Variants in FRA10AC1 observed in about 807,000 individuals in gnomAD.
FRA10AC1 encodes the protein FRA10A associated CGG repeat 1, also known as protein FRA10AC1.
Under a neutral mutation model 56.5 loss-of-function variants are expected in FRA10AC1, and 43 were observed. That is an observed-to-expected ratio of 0.76 (90% confidence interval 0.60 to 0.98). The LOEUF (loss-of-function observed/expected upper bound fraction) is 0.98. Ranked by LOEUF, FRA10AC1 falls within the 50% of genes least tolerant of loss-of-function variation. FRA10AC1 has a pLI of 0.00. For synonymous variants in FRA10AC1, 112 were observed against 110.5 expected (o/e 1.01, Z -0.09); for missense variants, 346 against 351.8 (o/e 0.98, Z 0.13).
chr10:93,684,257 G>A (rs1439999297), intron 9 of FRA10AC1, among the ~76,000 whole-genome samples, 159 bp from the exon 10 acceptor site: 1 of 152,030 alleles, frequency 6.6e-6, no homozygotes, highest in Non-Finnish European at 1.5e-5. Flanking sequence ...CCTCAAAAAT[G>A]CAAATATATA....
chr10:93,676,255 G>GA lies in FRA10AC1; in HGVS notation c.826+397dup, dbSNP rs1486328246. 6.6e-5 allele frequency among the ~76,000 whole-genome samples: 10 copies of GA among 152,116 alleles called. No individual in the cohort carries two copies. In the East Asian group the frequency reaches 9.7e-4, roughly 15 times the overall value. ...TGAATACTTTTTGGAATATTGCAGG[G>GA]AAAAAATAATAAAATTTGCAGCAAA... On this transcript the variant is annotated intron_variant, in intron 12 of 13. Transcript: ENST00000359204.
At position 93,685,278 on chromosome 10, in the gene FRA10AC1, T is replaced by C. The variant is rs765474094; in HGVS notation, c.593A>G (p.His198Arg). 3 of 1,568,898 alleles carry C rather than the reference T, an allele frequency of 1.9e-6. No individual in the cohort carries two copies. The highest frequency in any genetic ancestry group is 1.8e-6 in the Non-Finnish European group (2 of 1,140,748). ...SWEVNFGYIE[H>R]GEKRNALVKL... ...AACAAGTGCATTTCTCTTCTCACCA[T>C]GCTCAATATAACCAAAATTAACTTC... The change falls in exon 9 of 14, where the codon CAT becomes CGT. Residue 198 changes from histidine to arginine, a missense_variant. His to Arg is a conservative substitution (Grantham distance 29). Coordinates refer to ENST00000359204, the MANE Select transcript of FRA10AC1 (RefSeq NM_145246.5).
intron 4 of FRA10AC1, among the ~76,000 whole-genome samples, chr10:93,695,338 ATAATT>A (rs1434996723): frequency 2.6e-5 from 4 of 151,702 alleles, no homozygotes; most frequent in African/African-American, 9.7e-5. Context: ...ATCATAAAAT[ATAATT>A]TATCTATTTT....
rs1265269051 is a variant in FRA10AC1 at position 93,685,277 on chromosome 10, A to G, written c.594T>C (p.His198=). The G allele has an allele frequency of 6.4e-7, 1 of 1,567,568 alleles. No individual in the cohort carries two copies. The highest frequency in any genetic ancestry group is 1.1e-5 in the South Asian group (1 of 89,450). The change falls in exon 9 of 14, where the codon CAT becomes CAC. Residue 198 remains histidine, a synonymous_variant. Coordinates refer to ENST00000359204, the MANE Select transcript of FRA10AC1 (RefSeq NM_145246.5). The stretch of plus-strand genomic sequence containing the variant: ...TAACAAGTGCATTTCTCTTCTCACC[A>G]TGCTCAATATAACCAAAATTAACTT... ...SWEVNFGYIE[H]GEKRNALVKL...
rs1381515341 is a variant in FRA10AC1 at position 93,702,482 on chromosome 10, G to C, written c.-108C>G. ...GGCCTGAGAGAGCCGCTGCAGCACA[G>C]GTCCCGTGCGCCCTGCCGCACAGCC... On this transcript the variant is annotated 5_prime_UTR_variant, in exon 1 of 14. Coordinates refer to ENST00000359204, the MANE Select transcript of FRA10AC1 (RefSeq NM_145246.5). The C allele has an allele frequency of 1.0e-5, 2 of 199,886 alleles. No individual in the cohort carries two copies. Among genetic ancestry groups the C allele is most frequent in the East Asian group, 1.7e-4 (1 of 5,912 alleles). 12.4% of individuals were successfully genotyped at this position (199,886 alleles called of 1,614,324 possible). A position where few individuals can be genotyped will look rare whatever the true frequency, so the allele number is the denominator to read the frequency against.
At chr10:93,674,963 T>C (rs573167979) in intron 12 of FRA10AC1, 4 of 152,298 alleles carry the variant, frequency 2.6e-5, no homozygotes, top group African/African-American at 7.2e-5. Flanking sequence ...TGAGATAACA[T>C]TGGTCCACTG....
intron 6 of FRA10AC1, 45 bp downstream of exon 6, chr10:93,692,601 C>T: frequency 8.2e-7 from 1 of 1,220,854 alleles, no homozygotes; most frequent in Non-Finnish European, 1.2e-6. Context: ...ACAGGAGAAA[C>T]AGGACTAAAG....
At chr10:93,685,537 G>T in intron 8 of FRA10AC1, 178 bp from the exon 9 acceptor site, 1 of 393,370 alleles carries the variant, frequency 2.5e-6, no homozygotes, top group South Asian at 4.2e-5. Flanking sequence ...TCAAAGTACT[G>T]TTACCAAAAA....
intron 1 of FRA10AC1, 124 bp from the exon 2 acceptor site, chr10:93,700,230 C>T (rs2059308009): frequency 1.8e-6 from 1 of 568,634 alleles, no homozygotes; most frequent in Non-Finnish European, 3.1e-6. Flanking sequence ...TGGGCAGATT[C>T]CTATTCACAG....
rs1216417216 is a variant in FRA10AC1 at position 93,681,582 on chromosome 10, A to C, written c.685T>G (p.Ser229Ala). 6.5e-7 allele frequency: 1 copy of C among 1,528,016 alleles called. No individual in the cohort carries two copies. The highest frequency in any genetic ancestry group is 2.4e-5 in the East Asian group (1 of 42,236). The allele number at this position is 1,528,016 out of a possible 1,614,324, so 94.7% of individuals were successfully genotyped here. ...NFHHRRKEIK[S>A]KKRKDKTKKD... The stretch of plus-strand genomic sequence containing the variant: ...TTGGTTTTATCTTTTCTTTTTTTTG[A>C]CTTGATTTCTTTTCTCCTTTGTGTT... Residue 229 changes from serine to alanine, a missense_variant, in exon 11 of 14, where the codon TCA (serine) becomes GCA (alanine). Transcript: ENST00000359204.
Position 93,670,928 on chromosome 10 carries a change from T to C in FRA10AC1, c.827-80A>G, listed in dbSNP as rs186536226. On this transcript the variant is annotated intron_variant, in intron 12 of 13. Coordinates refer to ENST00000359204, the MANE Select transcript of FRA10AC1 (RefSeq NM_145246.5). ...TGAATTATTCGCCAATACAATTAAC[T>C]TTTTATTTAACTCAGCTTCAACTTT... 1,226 of 874,172 alleles carry C rather than the reference T, an allele frequency of 1.4e-3. 5 individuals are homozygous for C. The highest frequency in any genetic ancestry group is 1.9e-3 in the Non-Finnish European group (1,058 of 544,170). The allele number at this position is 874,172 out of a possible 1,614,324, so 54.2% of individuals were successfully genotyped here. A position where few individuals can be genotyped will look rare whatever the true frequency, so the allele number is the denominator to read the frequency against.
In FRA10AC1 at chr10:93,681,616, T is replaced by TA. The variant is rs763171602; in HGVS notation, c.669-19dup. The TA allele has an allele frequency of 6.8e-7, 1 of 1,474,548 alleles. No homozygotes were observed. The highest frequency in any genetic ancestry group is 9.0e-7 in the Non-Finnish European group (1 of 1,113,178). The allele number at this position is 1,474,548 out of a possible 1,614,324, so 91.3% of individuals were successfully genotyped here. On this transcript the variant is annotated intron_variant, in intron 10 of 13. Transcript: ENST00000359204. ...CTTTTCTCCTTTGTGTTAAACAATA[T>TA]AAAATTAAAGTTAACTTTTCCAACT...
intron 1 of FRA10AC1, 150 bp from the exon 2 acceptor site, chr10:93,700,256 A>G: frequency 2.0e-6 from 1 of 508,608 alleles, no homozygotes; most frequent in Non-Finnish European, 3.4e-6. Context: ...CTAGCCATCT[A>G]AAACTTTCAT....
chr10:93,690,594 T>G lies in FRA10AC1; in HGVS notation c.465+1415A>C, dbSNP rs201794534. 1.3e-4 allele frequency among the ~76,000 whole-genome samples: 20 copies of G among 152,068 alleles called. No individual in the cohort carries two copies. In the East Asian group the frequency reaches 3.9e-3, roughly 29 times the overall value. ...AAATACTGAAGAATTATGATGGTAT[T>G]AGGAGGTGGGGAAAAATAAATGAAA... On this transcript the variant is annotated intron_variant, in intron 7 of 13. Coordinates refer to ENST00000359204, the MANE Select transcript of FRA10AC1 (RefSeq NM_145246.5).
chr10:93,674,819 G>C (rs1476435996), intron 12 of FRA10AC1: 1 of 152,092 alleles, frequency 6.6e-6, no homozygotes, highest in East Asian at 1.9e-4. Context: ...AATTAGAACT[G>C]AAAAAGGGGA....
intron 1 of FRA10AC1, among the ~76,000 whole-genome samples, chr10:93,702,116 C>T (rs1286029120): frequency 6.6e-6 from 1 of 152,004 alleles, no homozygotes; most frequent in Non-Finnish European, 1.5e-5. Flanking sequence ...TCGCTGGCCG[C>T]TCCATCCGAC....
rs2058720384 is a variant in FRA10AC1 at position 93,668,998 on chromosome 10, A to G, written c.*828T>C. The G allele has an allele frequency of 6.6e-6, 1 of 152,196 alleles. No homozygotes were observed. The highest frequency in any genetic ancestry group is 2.1e-4 in the South Asian group (1 of 4,828). 9.4% of individuals were successfully genotyped at this position (152,196 alleles called of 1,614,324 possible). On this transcript the variant is annotated 3_prime_UTR_variant, in exon 14 of 14. Coordinates refer to ENST00000359204, the MANE Select transcript of FRA10AC1 (RefSeq NM_145246.5). ...CCGGGGAGGCAATTTTTGTGAACAC[A>G]TGAACTGTTTTAGACTACTGGGACC...
At chr10:93,699,587 T>G (rs1234886100) in intron 2 of FRA10AC1, among the ~76,000 whole-genome samples, 23 of 152,328 alleles carry the variant, frequency 1.5e-4, no homozygotes, top group African/African-American at 5.3e-4. Flanking sequence ...CCCGTGACCT[T>G]AGTCTGCTCA....
intron 12 of FRA10AC1, chr10:93,671,568 C>A (rs1027768464): frequency 6.2e-6 from 1 of 161,020 alleles, no homozygotes; most frequent in Non-Finnish European, 1.3e-5. Flanking sequence ...ACAACAACAA[C>A]AAAAAACCTA....
Sources: allele counts gnomAD v4.1 joint callset (sites outside exome capture counted in the v4.1 genomes callset), GRCh38; gene constraint gnomAD v4.1.1; transcripts MANE v1.5; gene names NCBI Gene and HGNC (gene_info 2026-07-23, HGNC 2026-07-21).